The following FOXO3 variants were observed in gnomAD, a reference collection of about 807,000 sequenced individuals.
FOXO3 encodes the protein forkhead box O3.
In FOXO3, 4 loss-of-function variants were observed where a neutral mutation model predicts 41.9. The observed-to-expected ratio is 0.10, with a 90% confidence interval of 0.05 to 0.22. The LOEUF (loss-of-function observed/expected upper bound fraction) is 0.22, where lower values mean the gene tolerates loss of function less well. FOXO3 is among the 10% of genes least tolerant of loss of function. The probability of loss-of-function intolerance (pLI) is 1.00; values close to 1 mark genes in which losing one functional copy is unlikely to be tolerated. For missense variants in FOXO3, 534 were observed against 906.8 expected (o/e 0.59, Z 5.28); for synonymous variants, 318 against 389.3 (o/e 0.82, Z 2.16).
At chr6:108,655,210 A>C (rs572968269) in intron 1 of FOXO3, among the ~76,000 whole-genome samples, 12 of 152,306 alleles carry the variant, frequency 7.9e-5, no homozygotes, top group South Asian at 2.1e-4. Context: ...TCCCCAAGGC[A>C]GGGTAAGGTC....
At chr6:108,587,519 G>A (rs1776613274) in intron 1 of FOXO3, among the ~76,000 whole-genome samples, 1 of 152,122 alleles carries the variant, frequency 6.6e-6, no homozygotes, top group Non-Finnish European at 1.5e-5. Flanking sequence ...ATATATATGT[G>A]TATGTGTGCA....
chr6:108,638,166 G>A (rs1316398783), intron 1 of FOXO3, among the ~76,000 whole-genome samples: 1 of 152,192 alleles, frequency 6.6e-6, no homozygotes, highest in African/African-American at 2.4e-5. Context: ...GAATGGGACA[G>A]GAGAGTATAA....
chr6:108,649,696 C>T (rs1778496104), intron 1 of FOXO3, among the ~76,000 whole-genome samples: 1 of 151,650 alleles, frequency 6.6e-6, no homozygotes, highest in Non-Finnish European at 1.5e-5. Context: ...GCCCCTACTT[C>T]CCTTTCTATC....
At chr6:108,667,077 A>T (rs1375248729) in intron 2 of FOXO3, among the ~76,000 whole-genome samples, 1 of 152,210 alleles carries the variant, frequency 6.6e-6, no homozygotes, top group Non-Finnish European at 1.5e-5. Context: ...GGGGAATGTT[A>T]AGAGTGTTGT....
At chr6:108,649,563 T>G (rs1778491704) in intron 1 of FOXO3, among the ~76,000 whole-genome samples, 1 of 146,988 alleles carries the variant, frequency 6.8e-6, no homozygotes, top group Non-Finnish European at 1.5e-5. Flanking sequence ...CTCACTGTGT[T>G]GCCCAAGCTG....
At chr6:108,580,602 C>T (rs989731086) in intron 1 of FOXO3, among the ~76,000 whole-genome samples, 3 of 152,236 alleles carry the variant, frequency 2.0e-5, no homozygotes, top group African/African-American at 7.2e-5. Context: ...TATGTCTCCA[C>T]TTTGACTAAG....
chr6:108,598,076 G>A (rs1776938495), intron 1 of FOXO3, among the ~76,000 whole-genome samples: 1 of 152,156 alleles, frequency 6.6e-6, no homozygotes, highest in African/African-American at 2.4e-5. Context: ...TCCTCTCACG[G>A]AGTTTGAGGT....
intron 1 of FOXO3, among the ~76,000 whole-genome samples, chr6:108,564,621 T>C (rs145586378): frequency 6.6e-6 from 1 of 152,232 alleles, no homozygotes; most frequent in East Asian, 1.9e-4. Flanking sequence ...CCTAACATCA[T>C]AAAATGAAAG....
chr6:108,578,560 A>C (rs2128359328), intron 1 of FOXO3, among the ~76,000 whole-genome samples: 1 of 152,358 alleles, frequency 6.6e-6, no homozygotes, highest in East Asian at 1.9e-4. Context: ...TGTATAGAGG[A>C]AACCACATGT....
intron 1 of FOXO3, among the ~76,000 whole-genome samples, chr6:108,603,641 G>C (rs1033895304): frequency 4.6e-5 from 7 of 152,130 alleles, no homozygotes; most frequent in African/African-American, 1.7e-4. Flanking sequence ...AATATAACCT[G>C]ATTTCCAGAG....
At position 108,611,711 on chromosome 6, in the gene FOXO3, A is replaced by T. The variant is rs200085723; in HGVS notation, c.621+49882A>T. Reference sequence around the variant, plus strand: ...AATCTTTTGCCTTTTTTTTTTTTTTAAAGGATTGTATTCACACCATTTAGT... The same window carrying T: ...AATCTTTTGCCTTTTTTTTTTTTTTTAAGGATTGTATTCACACCATTTAGT... On this transcript the variant is annotated intron_variant, in intron 1 of 2. Coordinates refer to ENST00000406360, the MANE Select transcript of FOXO3 (RefSeq NM_001455.4). Among the ~76,000 whole-genome samples, 59 of 145,598 alleles carry T rather than the reference A, an allele frequency of 4.1e-4. No homozygotes were observed. In the East Asian group the frequency reaches 7.4e-3, roughly 18 times the overall value.
intron 1 of FOXO3, among the ~76,000 whole-genome samples, chr6:108,592,311 G>C (rs757951044): frequency 6.6e-6 from 1 of 151,926 alleles, no homozygotes; most frequent in African/African-American, 2.4e-5. Context: ...GATTTGAACC[G>C]AAAAAAGGGG....
intron 1 of FOXO3, among the ~76,000 whole-genome samples, chr6:108,650,790 A>G (rs900378418): frequency 6.6e-6 from 1 of 152,160 alleles, no homozygotes; most frequent in African/African-American, 2.4e-5. Flanking sequence ...ATCAGTGCCT[A>G]GTTCTTTAGT....
At chr6:108,646,235 T>G (rs1183529046) in intron 1 of FOXO3, among the ~76,000 whole-genome samples, 1 of 152,174 alleles carries the variant, frequency 6.6e-6, no homozygotes, top group Non-Finnish European at 1.5e-5. Context: ...CACTTCCATG[T>G]CATTCTATTT....
intron 2 of FOXO3, among the ~76,000 whole-genome samples, chr6:108,667,554 A>G (rs1262125062): frequency 6.6e-6 from 1 of 152,230 alleles, no homozygotes; most frequent in Non-Finnish European, 1.5e-5. Flanking sequence ...TTGGTTGAAC[A>G]GCAGATCTTT....
intron 1 of FOXO3, among the ~76,000 whole-genome samples, chr6:108,594,774 G>A (rs769478911): frequency 6.6e-6 from 1 of 152,192 alleles, no homozygotes; most frequent in Non-Finnish European, 1.5e-5. Context: ...GCACTGGCAT[G>A]CCCATTCATC....
At chr6:108,647,786 T>A (rs986635830) in intron 1 of FOXO3, among the ~76,000 whole-genome samples, 6 of 152,190 alleles carry the variant, frequency 3.9e-5, no homozygotes, top group Non-Finnish European at 8.8e-5. Flanking sequence ...GCAAATGAGA[T>A]GTCATAAAAT....
At chr6:108,561,874 T>G in intron 1 of FOXO3, 45 bp downstream of exon 1, 2 of 1,496,596 alleles carry the variant, frequency 1.3e-6, no homozygotes, top group East Asian at 2.6e-5. Context: ...CCGGGCCTCC[T>G]GCGCAGCGCG....
chr6:108,647,216 CTTTGG>C, intron 1 of FOXO3, among the ~76,000 whole-genome samples: 1 of 152,282 alleles, frequency 6.6e-6, no homozygotes, highest in East Asian at 1.9e-4. Context: ...AAAATGATGG[CTTTGG>C]CCAAATTCTT....
Sources: allele counts gnomAD v4.1 joint callset (sites outside exome capture counted in the v4.1 genomes callset), GRCh38; gene constraint gnomAD v4.1.1; transcripts MANE v1.5; gene names NCBI Gene and HGNC (gene_info 2026-07-23, HGNC 2026-07-21).